The following SLC60A1 variants were observed in gnomAD, a reference collection of about 807,000 sequenced individuals.
SLC60A1 encodes major facilitator superfamily domain containing 4.
the SLC60A1 span, among the ~76,000 whole-genome samples, chr1:205,578,449 C>T: frequency 5.9e-5 from 9 of 152,222 alleles, no homozygotes; most frequent in Non-Finnish European, 1.2e-4. Flanking sequence ...TCTCCTCCCC[C>T]ATGAGTTCTG....
At chr1:205,575,802 C>T in the SLC60A1 span, among the ~76,000 whole-genome samples, 1 of 152,202 alleles carries the variant, frequency 6.6e-6, no homozygotes, top group African/African-American at 2.4e-5. Context: ...AGTAGGTTTT[C>T]CAGACTGTCC....
At chr1:205,584,537 CT>C in the SLC60A1 span, among the ~76,000 whole-genome samples, 533 of 128,476 alleles carry the variant, frequency 4.1e-3, 11 homozygotes, top group Non-Finnish European at 4.7e-3. Context: ...GGTGATAGTC[CT>C]TTTTTTTTTT....
the SLC60A1 span, among the ~76,000 whole-genome samples, chr1:205,578,278 G>C: frequency 6.6e-6 from 1 of 152,194 alleles, no homozygotes; most frequent in Non-Finnish European, 1.5e-5. Flanking sequence ...GGCCACCTAG[G>C]AGGCTGCCTA....
the SLC60A1 span, chr1:205,580,610 G>A: frequency 1.2e-4 from 185 of 1,592,216 alleles, no homozygotes; most frequent in African/African-American, 1.5e-3. This position sits in a 1 kb window ranked among gnomAD's most constrained non-coding sequence, Gnocchi z 5.0. Flanking sequence ...CCACTTCCCC[G>A]GGCTGAAGAC....
chr1:205,573,709 T>C, the SLC60A1 span, among the ~76,000 whole-genome samples: 1 of 152,150 alleles, frequency 6.6e-6, no homozygotes, highest in Admixed American at 6.5e-5. Context: ...TTTATTTTTA[T>C]TTTTTGAGAC....
chr1:205,602,649 G>A, the SLC60A1 span: 5 of 152,470 alleles, frequency 3.3e-5, no homozygotes, highest in Non-Finnish European at 7.3e-5. Flanking sequence ...TGGTCTAGGA[G>A]TATAGTTTTA....
chr1:205,585,054 GAAA>G, the SLC60A1 span: 2 of 1,386,606 alleles, frequency 1.4e-6, no homozygotes, highest in Non-Finnish European at 2.0e-6. The surrounding 1 kb of genome is among the most constrained non-coding windows in gnomAD (Gnocchi z 4.2). Context: ...TCCAGTCTGG[GAAA>G]GGCAAGAGAA....
At chr1:205,590,029 C>G in the SLC60A1 span, among the ~76,000 whole-genome samples, 57 of 152,320 alleles carry the variant, frequency 3.7e-4, no homozygotes, top group Admixed American at 7.8e-4. Flanking sequence ...GATGCCCTCA[C>G]TTGATGTGTG....
the SLC60A1 span, among the ~76,000 whole-genome samples, chr1:205,596,994 C>G: frequency 6.6e-6 from 1 of 152,198 alleles, no homozygotes; most frequent in Non-Finnish European, 1.5e-5. Flanking sequence ...GAACCCAAGT[C>G]TGACTCTGAA....
the SLC60A1 span, chr1:205,580,762 C>T: frequency 6.2e-7 from 1 of 1,614,176 alleles, no homozygotes; most frequent in African/African-American, 1.3e-5. This position sits in a 1 kb window ranked among gnomAD's most constrained non-coding sequence, Gnocchi z 5.0. Flanking sequence ...GCACGGCCAA[C>T]ACCACCTCCC....
At chr1:205,578,694 T>G in the SLC60A1 span, among the ~76,000 whole-genome samples, 1 of 151,602 alleles carries the variant, frequency 6.6e-6, no homozygotes, top group Non-Finnish European at 1.5e-5. Context: ...GCCCTCCTCT[T>G]TTTTTTTCAG....
the SLC60A1 span, chr1:205,581,043 C>T: frequency 1.5e-6 from 2 of 1,317,862 alleles, no homozygotes; most frequent in Non-Finnish European, 2.0e-6. This position sits in a 1 kb window ranked among gnomAD's most constrained non-coding sequence, Gnocchi z 4.2. Context: ...AGGTGTGCAT[C>T]CCAGAGGCAG....
the SLC60A1 span, chr1:205,584,967 A>C: frequency 0.46 from 737,541 of 1,612,432 alleles, 174,966 homozygotes; most frequent in African/African-American, 0.52. Flanking sequence ...GCGCCCTGGT[A>C]CTGTTCATGA....
At chr1:205,596,659 G>A in the SLC60A1 span, among the ~76,000 whole-genome samples, 2 of 151,392 alleles carry the variant, frequency 1.3e-5, no homozygotes, top group African/African-American at 4.8e-5. Flanking sequence ...GCCTGGAGGT[G>A]AGAGTTACGG....
At chr1:205,582,663 C>T in the SLC60A1 span, among the ~76,000 whole-genome samples, 1 of 152,212 alleles carries the variant, frequency 6.6e-6, no homozygotes, top group Non-Finnish European at 1.5e-5. Flanking sequence ...TCCTGTTTCC[C>T]CCCTCACACT....
chr1:205,593,210 C>A, the SLC60A1 span, among the ~76,000 whole-genome samples: 15 of 152,012 alleles, frequency 9.9e-5, no homozygotes, highest in Non-Finnish European at 2.1e-4. Context: ...GTGGCTCACG[C>A]CTGTAATCCC....
At chr1:205,602,051 T>C in the SLC60A1 span, 5 of 152,218 alleles carry the variant, frequency 3.3e-5, no homozygotes, top group Non-Finnish European at 5.9e-5. Flanking sequence ...CCTGTAGTGA[T>C]ACAAGGAGAA....
the SLC60A1 span, chr1:205,600,442 C>T: frequency 3.1e-6 from 5 of 1,614,166 alleles, no homozygotes; most frequent in Non-Finnish European, 4.2e-6. Flanking sequence ...ATGGAAAACT[C>T]TGAGTGCTAC....
At chr1:205,588,392 C>T in the SLC60A1 span, among the ~76,000 whole-genome samples, 3 of 146,458 alleles carry the variant, frequency 2.0e-5, no homozygotes, top group Non-Finnish European at 3.0e-5. Context: ...ATCACTTGAA[C>T]CTAGCAGGCA....
Sources: gnomAD v4.1 joint callset for allele counts (sites outside exome capture counted in the v4.1 genomes callset) on GRCh38, gnomAD v4.1.1 for gene constraint, Gnocchi (gnomAD v3.1) non-coding constraint, MANE v1.5 for transcripts, NCBI Gene and HGNC (gene_info 2026-07-23, HGNC 2026-07-21) for gene names.